LTBP2: variants seen among roughly 807,000 people sequenced by gnomAD.
The protein encoded by LTBP2 is latent transforming growth factor beta binding protein 2.
In LTBP2, 103 loss-of-function variants were observed where a neutral mutation model predicts 210.6. The observed-to-expected ratio is 0.49, with a 90% CI of 0.42 to 0.58. LTBP2 has a LOEUF of 0.58. LTBP2 is among the 20% of genes least tolerant of loss of function. The pLI, the probability that LTBP2 is intolerant of heterozygous loss-of-function variation, is 0.00. For missense variants in LTBP2, 2,313 were observed against 2,494.5 expected (o/e 0.93, Z 1.55); for synonymous variants, 1,007 against 1,015.0 (o/e 0.99, Z 0.15).
Position 74,612,005 on chromosome 14 carries a change from G to T in LTBP2, c.-61C>A, listed in dbSNP as rs1427743870. The stretch of plus-strand genomic sequence containing the variant: ...CCGCGAAGAGCTTTGTGGTCGGCAC[G>T]CTGGACGCCCGCGGGCTGTTCTCCC... On this transcript the variant is annotated 5_prime_UTR_variant, in exon 1 of 36. Coordinates refer to ENST00000261978, the MANE Select transcript of LTBP2 (RefSeq NM_000428.3). 3 of 1,444,634 alleles carry T rather than the reference G, an allele frequency of 2.1e-6. No homozygotes were observed. Among genetic ancestry groups the T allele is most frequent in the Non-Finnish European group, 2.7e-6 (3 of 1,106,136 alleles). The allele number at this position is 1,444,634 out of a possible 1,614,324, so 89.5% of individuals were successfully genotyped here. A position where few individuals can be genotyped will look rare whatever the true frequency, so the allele number is the denominator to read the frequency against.
chr14:74,540,201 G>A (rs2087475014), intron 8 of LTBP2, among the ~76,000 whole-genome samples: 1 of 152,176 alleles, frequency 6.6e-6, no homozygotes, highest in Non-Finnish European at 1.5e-5. Flanking sequence ...GGCCGGGCAT[G>A]GTGGCTCATG....
Position 74,500,623 on chromosome 14 carries a change from G to C in LTBP2, c.*261C>G, listed in dbSNP as rs1366721508. Reference sequence around the variant, plus strand: ...CCTTTGGTAAGCATCCCATAGCAAGGCCAGGAAAGGTGGTGGACAGGGCCT... The same window carrying C: ...CCTTTGGTAAGCATCCCATAGCAAGCCCAGGAAAGGTGGTGGACAGGGCCT... On this transcript the variant is annotated 3_prime_UTR_variant, in exon 36 of 36. Transcript: ENST00000261978. 1.4e-5 allele frequency: 8 copies of C among 562,448 alleles called. No individual in the cohort carries two copies. The East Asian group carries it at 2.4e-4, about 17-fold the overall frequency. 34.8% of individuals were successfully genotyped at this position (562,448 alleles called of 1,614,324 possible). A position where few individuals can be genotyped will look rare whatever the true frequency, so the allele number is the denominator to read the frequency against.
chr14:74,509,419 A>T, intron 21 of LTBP2, 56 bp from the exon 22 acceptor site: 1 of 1,610,350 alleles, frequency 6.2e-7, no homozygotes, highest in Non-Finnish European at 8.5e-7. Flanking sequence ...TCCCCAGGCA[A>T]TGCAGGAACC....
At chr14:74,503,801 C>G (rs568050951) in intron 31 of LTBP2, 125 bp downstream of exon 31, 2 of 1,449,798 alleles carry the variant, frequency 1.4e-6, no homozygotes, top group Non-Finnish European at 1.9e-6. Context: ...GACCAGCCTG[C>G]TGCAGTGGGC....
At chr14:74,553,178 C>T in intron 4 of LTBP2, 116 bp from the exon 5 acceptor site, 1 of 1,009,778 alleles carries the variant, frequency 9.9e-7, no homozygotes, top group South Asian at 1.4e-5. Context: ...AGGGCATTTG[C>T]TGAGTACCTA....
intron 1 of LTBP2, among the ~76,000 whole-genome samples, chr14:74,607,249 T>G (rs1595305770): frequency 6.6e-6 from 1 of 152,142 alleles, no homozygotes; most frequent in African/African-American, 2.4e-5. Context: ...CACACGCTAG[T>G]CCCCCTTCCA....
At chr14:74,555,291 G>T (rs1203100622) in intron 4 of LTBP2, among the ~76,000 whole-genome samples, 3 of 152,130 alleles carry the variant, frequency 2.0e-5, no homozygotes, top group Admixed American at 1.3e-4. Flanking sequence ...TAGGTCTAAA[G>T]GTTGCAACGG....
intron 3 of LTBP2, among the ~76,000 whole-genome samples, chr14:74,579,654 T>A (rs1029635159): frequency 3.9e-5 from 6 of 152,096 alleles, no homozygotes; most frequent in Non-Finnish European, 5.9e-5. Context: ...CCACCTGAGG[T>A]TGGACCTCCA....
rs79001264 is a variant in LTBP2, at chr14:74,565,049, T to C, written c.831-9356A>G. ...AGGTGTCTGGGCTGTACTGAGTGGG[T>C]GAAGGGGAGTGTCCTGAGATTTTGA... On this transcript the variant is annotated intron_variant, in intron 3 of 35. Transcript: ENST00000261978. Among the ~76,000 whole-genome samples, 193 of 152,122 alleles carry C rather than the reference T, an allele frequency of 1.3e-3. 2 individuals are homozygous for C. In the East Asian group the frequency reaches 0.033, roughly 26 times the overall value.
chr14:74,603,818 G>C (rs1208820031), intron 1 of LTBP2, 113 bp from the exon 2 acceptor site: 9 of 828,298 alleles, frequency 1.1e-5, no homozygotes, highest in Non-Finnish European at 1.7e-5. Flanking sequence ...ACATGGAGAG[G>C]CTGGGAAGGC....
chr14:74,611,970 C>A lies in LTBP2; in HGVS notation c.-26G>T, dbSNP rs758491780. 4 of 1,536,534 alleles carry A rather than the reference C, an allele frequency of 2.6e-6. No individual in the cohort carries two copies. Among genetic ancestry groups the A allele is most frequent in the African/African-American group, 1.4e-5 (1 of 71,960 alleles). ...GGCGCGGGGCGGCTGGAGAGTGGTG[C>A]GCGCGGGCACCGCGAAGAGCTTTGT... On this transcript the variant is annotated 5_prime_UTR_variant, in exon 1 of 36. Coordinates refer to ENST00000261978, the MANE Select transcript of LTBP2 (RefSeq NM_000428.3).
Position 74,576,622 on chromosome 14 carries a change from C to T in LTBP2, c.830+9232G>A, listed in dbSNP as rs372155122. On this transcript the variant is annotated intron_variant, in intron 3 of 35. Coordinates refer to ENST00000261978, the MANE Select transcript of LTBP2 (RefSeq NM_000428.3). Reference sequence around the variant, plus strand: ...TGGGGTCACCACATACAGCTGCATACGCTGTACACTGTACAACTCTTGGGG... The same window carrying T: ...TGGGGTCACCACATACAGCTGCATATGCTGTACACTGTACAACTCTTGGGG... Among the ~76,000 whole-genome samples the T allele has an allele frequency of 2.6e-4, 39 of 151,880 alleles. No homozygotes were observed. The South Asian group carries it at 3.3e-3, about 13-fold the overall frequency.
intron 18 of LTBP2, among the ~76,000 whole-genome samples, chr14:74,511,981 C>T (rs1190752627): frequency 6.6e-6 from 1 of 152,218 alleles, no homozygotes; most frequent in Non-Finnish European, 1.5e-5. Context: ...CTGGCACCCA[C>T]TCTGGTGAGA....
intron 3 of LTBP2, among the ~76,000 whole-genome samples, chr14:74,581,664 G>GC (rs111931947): frequency 6.6e-6 from 1 of 152,158 alleles, no homozygotes; most frequent in African/African-American, 2.4e-5. Context: ...AGGAAACCGA[G>GC]CCCCCCTAGA....
chr14:74,601,344 G>A (rs990386999), intron 2 of LTBP2, among the ~76,000 whole-genome samples: 2 of 152,066 alleles, frequency 1.3e-5, no homozygotes, highest in African/African-American at 2.4e-5. Context: ...CCAGGAGTTC[G>A]AGACCAGCCT....
chr14:74,502,040 C>G (rs1464077627), intron 34 of LTBP2: 1 of 294,130 alleles, frequency 3.4e-6, no homozygotes, highest in African/African-American at 2.2e-5. Flanking sequence ...CCAGATCTAC[C>G]TAACCCTCTT....
rs2086886772 is a variant in LTBP2 at position 74,499,415 on chromosome 14, C to G, written c.*1469G>C. On this transcript the variant is annotated 3_prime_UTR_variant, in exon 36 of 36. Transcript: ENST00000261978. ...AATTAAATGAAATGTATGTATGGCACTCAGCACAGTGCCTGGCACATGGCA... is the reference window on the plus strand; with the variant it reads ...AATTAAATGAAATGTATGTATGGCAGTCAGCACAGTGCCTGGCACATGGCA... 1 of 224,980 alleles carries G rather than the reference C, an allele frequency of 4.4e-6. No homozygotes were observed. The highest frequency in any genetic ancestry group is 2.2e-5 in the African/African-American group (1 of 44,896). 13.9% of individuals were successfully genotyped at this position (224,980 alleles called of 1,614,324 possible).
At chr14:74,525,031 A>T (rs1325959200) in intron 15 of LTBP2, 93 bp downstream of exon 15, 26 of 630,760 alleles carry the variant, frequency 4.1e-5, no homozygotes, top group Non-Finnish European at 5.2e-5. Flanking sequence ...GTGAGGGGGC[A>T]TTCCATTCAT....
chr14:74,528,736 C>A, intron 11 of LTBP2, 38 bp from the exon 12 acceptor site: 1 of 1,603,054 alleles, frequency 6.2e-7, no homozygotes, highest in East Asian at 2.2e-5. Context: ...CTGAGAGGTG[C>A]TGTTCCTGCA....
Sources: allele counts gnomAD v4.1 joint callset (sites outside exome capture counted in the v4.1 genomes callset), GRCh38; gene constraint gnomAD v4.1.1; transcripts MANE v1.5; gene names NCBI Gene and HGNC (gene_info 2026-07-23, HGNC 2026-07-21).